Variants in CHERP observed in about 807,000 individuals in gnomAD.
CHERP encodes the protein calcium homeostasis endoplasmic reticulum protein, also known as ERPROT 213-21.
A neutral mutation model predicts 113.8 loss-of-function variants in CHERP; 8 were observed. The ratio of observed to expected loss-of-function variants is 0.07; its 90% CI spans 0.04 to 0.13. CHERP has a LOEUF of 0.13. CHERP is among the 10% of genes least tolerant of loss of function. The probability of loss-of-function intolerance (pLI) is 1.00; values close to 1 mark genes in which losing one functional copy is unlikely to be tolerated. For missense variants in CHERP, 884 were observed against 1,298.2 expected (o/e 0.68, Z 4.90); for synonymous variants, 559 against 524.5 (o/e 1.07, Z -0.90).
At chr19:16,521,092 C>T in intron 12 of CHERP, 180 bp from the exon 13 acceptor site, 1 of 631,992 alleles carries the variant, frequency 1.6e-6, no homozygotes. Context: ...CCTCCTGCAG[C>T]CCAGTGGCTC....
In CHERP at chr19:16,525,361, G is replaced by A. The variant is rs1006782850; in HGVS notation, c.1622C>T (p.Pro541Leu). The A allele has an allele frequency of 6.7e-7, 1 of 1,489,916 alleles. No homozygotes were observed. Among genetic ancestry groups the A allele is most frequent in the African/African-American group, 1.4e-5 (1 of 70,480 alleles). 92.3% of individuals were successfully genotyped at this position (1,489,916 alleles called of 1,614,324 possible). Reference sequence around the variant, plus strand: ...GGGCGGGAAGCGGTTGAAGTTGTGGGGGTGCGGAGGCTGGTTGAACTGCGG... The same window carrying A: ...GGGCGGGAAGCGGTTGAAGTTGTGGAGGTGCGGAGGCTGGTTGAACTGCGG... ...QHPQFNQPPHPHNFNRFPPRF... is the reference protein window; with the variant it reads ...QHPQFNQPPHLHNFNRFPPRF... The change falls in exon 10 of 17, where the codon CCC (proline) becomes CTC (leucine). Residue 541 changes from proline to leucine, a missense_variant. Pro to Leu is a moderately conservative substitution (Grantham distance 98, BLOSUM62 -3). Coordinates refer to ENST00000546361, the MANE Select transcript of CHERP (RefSeq NM_006387.6). The surrounding 1 kb of genome is among the most constrained non-coding windows in gnomAD (Gnocchi z 6.5).
In CHERP at chr19:16,525,517, T is replaced by C. The variant is rs2085651557; in HGVS notation, c.1466A>G (p.Asn489Ser). 1.3e-6 allele frequency: 2 copies of C among 1,551,356 alleles called. No homozygotes were observed. Among genetic ancestry groups the C allele is most frequent in the Non-Finnish European group, 1.7e-6 (2 of 1,150,382 alleles). Reference protein sequence around the residue: ...PWNNQPDAAWNSQFEGPWNSQ... With the variant: ...PWNNQPDAAWSSQFEGPWNSQ... ...GTTCCAGGGGCCCTCGAACTGGCTG[T>C]TCCAGGCGGCGTCGGGCTGGTTGTT... is the stretch of plus-strand genomic sequence containing the variant. The change falls in exon 10 of 17, where the codon AAC (asparagine) becomes AGC (serine). Residue 489 changes from asparagine (N) to serine (S), a missense_variant. Asn to Ser is a conservative substitution (Grantham distance 46). Coordinates refer to ENST00000546361, the MANE Select transcript of CHERP (RefSeq NM_006387.6). This position sits in a 1 kb window ranked among gnomAD's most constrained non-coding sequence, Gnocchi z 6.5.
At chr19:16,540,870 G>C (rs1238754200) in intron 2 of CHERP, among the ~76,000 whole-genome samples, 1 of 150,488 alleles carries the variant, frequency 6.6e-6, no homozygotes, top group Non-Finnish European at 1.5e-5. Flanking sequence ...GCTAATTTTT[G>C]TATTTTTCGT....
rs547289867 is a variant in CHERP, at chr19:16,530,386, A to T, written c.876+199T>A. ...GCCGCCTGGTTCTAGTGTTCCAGGA[A>T]AGTCAGGGAGACACACCTAAGGCCT... On this transcript the variant is annotated intron_variant, in intron 7 of 16. Coordinates refer to ENST00000546361, the MANE Select transcript of CHERP (RefSeq NM_006387.6). The surrounding 1 kb of genome is among the most constrained non-coding windows in gnomAD (Gnocchi z 4.1). Among the ~76,000 whole-genome samples, 2 of 152,342 alleles carry T rather than the reference A, an allele frequency of 1.3e-5. No individual in the cohort carries two copies.
rs2085636543 is a variant in CHERP, at chr19:16,523,573, G to A, written c.1742-283C>T. Among the ~76,000 whole-genome samples, 1 of 152,252 alleles carries A rather than the reference G, an allele frequency of 6.6e-6. No individual in the cohort carries two copies. Among genetic ancestry groups the A allele is most frequent in the African/African-American group, 2.4e-5 (1 of 41,546 alleles). ...GGTGAGGGCTAAGTTGTGACCCTCC[G>A]AATCCATACGCTGAGGTCCCAGCCC... On this transcript the variant is annotated intron_variant, in intron 10 of 16. Coordinates refer to ENST00000546361, the MANE Select transcript of CHERP (RefSeq NM_006387.6). This position sits in a 1 kb window ranked among gnomAD's most constrained non-coding sequence, Gnocchi z 4.0.
rs781515599 is a variant in CHERP, at chr19:16,542,419, G to A, written c.-41C>T. On this transcript the variant is annotated 5_prime_UTR_variant, in exon 1 of 17. Coordinates refer to ENST00000546361, the MANE Select transcript of CHERP (RefSeq NM_006387.6). ...GAACGTCCTCCGGCGCCACACGATC[G>A]ACCACCAGCGCCGTCTGCGGAAGCC... is the stretch of plus-strand genomic sequence containing the variant. 3.8e-6 allele frequency: 5 copies of A among 1,331,876 alleles called. No homozygotes were observed. The highest frequency in any genetic ancestry group is 1.5e-5 in the African/African-American group (1 of 66,274). 82.5% of individuals were successfully genotyped at this position (1,331,876 alleles called of 1,614,324 possible).
rs1157571921 is a variant in CHERP at position 16,525,986 on chromosome 19, C to T, written c.1306-309G>A. On this transcript the variant is annotated intron_variant, in intron 9 of 16. Transcript: ENST00000546361. The surrounding 1 kb of genome is among the most constrained non-coding windows in gnomAD (Gnocchi z 6.5). The stretch of plus-strand genomic sequence containing the variant: ...CCGCGCCACAAGGTGCTCCCCGCTA[C>T]CACTGCCAGACAAACGCCAGCTCCC... Among the ~76,000 whole-genome samples, 2 of 152,236 alleles carry T rather than the reference C, an allele frequency of 1.3e-5. No individual in the cohort carries two copies. Among genetic ancestry groups the T allele is most frequent in the African/African-American group, 4.8e-5 (2 of 41,464 alleles).
Position 16,523,898 on chromosome 19 carries a change from A to G in CHERP, c.1742-608T>C, listed in dbSNP as rs2085639292. 3.9e-5 allele frequency among the ~76,000 whole-genome samples: 6 copies of G among 152,220 alleles called. No homozygotes were observed. In the South Asian group the frequency reaches 1.2e-3, roughly 32 times the overall value. ...ACTTATCATGTCAGCCCAAGCCAAA[A>G]AGTAAAAGCAATAAATGTGCCAAGC... On this transcript the variant is annotated intron_variant, in intron 10 of 16. Transcript: ENST00000546361. The surrounding 1 kb of genome is among the most constrained non-coding windows in gnomAD (Gnocchi z 4.0).
At chr19:16,531,146 T>C (rs942746365) in intron 5 of CHERP, among the ~76,000 whole-genome samples, 26 of 152,230 alleles carry the variant, frequency 1.7e-4, no homozygotes, top group African/African-American at 5.8e-4. Flanking sequence ...GTCCCCTTGA[T>C]AGGAAATAAC....
At chr19:16,537,179 C>T (rs1397918552) in intron 2 of CHERP, among the ~76,000 whole-genome samples, 1 of 149,996 alleles carries the variant, frequency 6.7e-6, no homozygotes, top group Non-Finnish European at 1.5e-5. Context: ...CCGCACCCCC[C>T]TCCTTCCCCC....
chr19:16,541,805 G>C, intron 2 of CHERP, 65 bp downstream of exon 2: 1 of 1,519,688 alleles, frequency 6.6e-7, no homozygotes, highest in Non-Finnish European at 9.0e-7. Context: ...TTGTGGCAGA[G>C]CCCGGACTGG....
At chr19:16,534,105 G>C (rs2085726141) in intron 3 of CHERP, among the ~76,000 whole-genome samples, 1 of 149,290 alleles carries the variant, frequency 6.7e-6, no homozygotes. Flanking sequence ...CCAGGCTGAA[G>C]TGCAATGGCA....
intron 11 of CHERP, 69 bp from the exon 12 acceptor site, chr19:16,521,723 A>G (rs2122245140): frequency 6.9e-7 from 1 of 1,447,126 alleles, no homozygotes; most frequent in Non-Finnish European, 9.2e-7. Context: ...AGGGTCTGCA[A>G]GGAGTGGGGT....
intron 1 of CHERP, 123 bp downstream of exon 1, chr19:16,542,231 C>A: frequency 9.0e-7 from 1 of 1,106,744 alleles, no homozygotes. Context: ...CGGGAGAGGC[C>A]GCAGGCGAAG....
intron 11 of CHERP, among the ~76,000 whole-genome samples, chr19:16,522,383 C>T (rs1372147957): frequency 6.6e-6 from 1 of 152,198 alleles, no homozygotes; most frequent in Non-Finnish European, 1.5e-5. Context: ...CTCAGCCTCC[C>T]GAGCAGCTGG....
At position 16,523,201 on chromosome 19, in the gene CHERP, C is replaced by T; in HGVS notation, c.1831G>A (p.Asp611Asn). The change falls in exon 11 of 17, where the codon GAC becomes AAC. Residue 611 changes from aspartate (D) to asparagine (N), a missense_variant. Asp to Asn is a conservative substitution (Grantham distance 23). Coordinates refer to ENST00000546361, the MANE Select transcript of CHERP (RefSeq NM_006387.6). The surrounding 1 kb of genome is among the most constrained non-coding windows in gnomAD (Gnocchi z 4.0). ...HPPWAGPQHPDFGPPPHGFNG... is the reference protein window; with the variant it reads ...HPPWAGPQHPNFGPPPHGFNG... ...AAGCCATGGGGGGGAGGGCCGAAGT[C>T]AGGGTGCTGGGGTCCAGCCCAAGGC... is the stretch of plus-strand genomic sequence containing the variant. 10 of 1,581,778 alleles carry T rather than the reference C, an allele frequency of 6.3e-6. No individual in the cohort carries two copies. The highest frequency in any genetic ancestry group is 8.6e-6 in the Non-Finnish European group (10 of 1,166,692).
rs375115585 is a variant in CHERP, at chr19:16,535,488, G to C, written c.348C>G (p.Leu116=). The change falls in exon 3 of 17, where the codon CTC becomes CTG. Residue 116 remains leucine, a synonymous_variant. Coordinates refer to ENST00000546361, the MANE Select transcript of CHERP (RefSeq NM_006387.6). The surrounding 1 kb of genome is among the most constrained non-coding windows in gnomAD (Gnocchi z 4.3). The stretch of plus-strand genomic sequence containing the variant: ...CCAGCAAGTGCTGCTCCTGCTGCTG[G>C]AGGTTCCACTGGCTCTGCTGGATGA... ...DELIQQSQWN[L]QQQEQHLLAL... is the part of the protein sequence containing the mutation. 6.2e-5 allele frequency: 100 copies of C among 1,610,016 alleles called. No homozygotes were observed. Among genetic ancestry groups the C allele is most frequent in the Non-Finnish European group, 4.8e-5 (56 of 1,178,406 alleles).
intron 9 of CHERP, chr19:16,526,332 T>C (rs926870136): frequency 5.9e-5 from 9 of 152,384 alleles, no homozygotes; most frequent in African/African-American, 1.9e-4. Context: ...CAGAGGCCAA[T>C]GAGAAGGCCG....
chr19:16,539,504 A>G (rs1347284747), intron 2 of CHERP, among the ~76,000 whole-genome samples: 2 of 152,126 alleles, frequency 1.3e-5, no homozygotes, highest in African/African-American at 4.8e-5. Context: ...CTAGAAACAC[A>G]TAAGCACATA....
Sources: gnomAD v4.1 joint callset for allele counts (sites outside exome capture counted in the v4.1 genomes callset) on GRCh38, gnomAD v4.1.1 for gene constraint, Gnocchi (gnomAD v3.1) non-coding constraint, MANE v1.5 for transcripts, NCBI Gene and HGNC (gene_info 2026-07-23, HGNC 2026-07-21) for gene names.